CNTNAP2: variants seen among roughly 807,000 people sequenced by gnomAD.
CNTNAP2 encodes the protein contactin associated protein 2.
A neutral mutation model predicts 155.2 loss-of-function variants in CNTNAP2; 98 were observed. That is an observed-to-expected ratio of 0.63 (90% CI 0.54 to 0.75). The LOEUF is 0.75. Ranked by LOEUF, CNTNAP2 falls within the 30% of genes least tolerant of loss-of-function variation. CNTNAP2 has a pLI of 0.00. For synonymous variants in CNTNAP2, 651 were observed against 631.2 expected (o/e 1.03, Z -0.47); for missense variants, 1,727 against 1,688.1 (o/e 1.02, Z -0.40).
intron 1 of CNTNAP2, among the ~76,000 whole-genome samples, chr7:146,624,606 C>T (rs190548147): frequency 6.6e-6 from 1 of 152,044 alleles, no homozygotes; most frequent in African/African-American, 2.4e-5. Flanking sequence ...TATTCCTCTG[C>T]CAATCCCTCA....
intron 15 of CNTNAP2, among the ~76,000 whole-genome samples, chr7:148,105,392 T>C (rs1462620115): frequency 6.6e-6 from 1 of 152,024 alleles, no homozygotes; most frequent in Non-Finnish European, 1.5e-5. Context: ...GTGGGAACAA[T>C]GGTAGCTGCA....
intron 13 of CNTNAP2, among the ~76,000 whole-genome samples, chr7:147,675,585 G>A (rs757607066): frequency 7.2e-5 from 11 of 151,928 alleles, no homozygotes; most frequent in Non-Finnish European, 1.6e-4. Flanking sequence ...TGGATGATTC[G>A]CACATTGGTG....
At chr7:148,252,562 G>C (rs1005706442) in intron 20 of CNTNAP2, among the ~76,000 whole-genome samples, 3 of 152,188 alleles carry the variant, frequency 2.0e-5, no homozygotes, top group African/African-American at 7.2e-5. Context: ...TCACTGAGCA[G>C]TAGCCTCTAT....
At chr7:146,712,139 A>C (rs1237653389) in intron 1 of CNTNAP2, among the ~76,000 whole-genome samples, 1 of 129,340 alleles carries the variant, frequency 7.7e-6, no homozygotes, top group Non-Finnish European at 1.6e-5. Flanking sequence ...TATCTTATGT[A>C]TACTATATAG....
intron 13 of CNTNAP2, among the ~76,000 whole-genome samples, chr7:147,776,173 C>G (rs1797582498): frequency 6.6e-6 from 1 of 151,696 alleles, no homozygotes; most frequent in Non-Finnish European, 1.5e-5. Context: ...TCTCAAAAGG[C>G]TATTACAACA....
chr7:147,051,446 G>T (rs1038963073), intron 4 of CNTNAP2, among the ~76,000 whole-genome samples: 7 of 151,720 alleles, frequency 4.6e-5, no homozygotes, highest in African/African-American at 1.5e-4. Context: ...ATGAATTTTT[G>T]GCAGAATAAA....
chr7:147,961,564 A>G (rs1277265401), intron 14 of CNTNAP2, among the ~76,000 whole-genome samples: 1 of 152,176 alleles, frequency 6.6e-6, no homozygotes, highest in Non-Finnish European at 1.5e-5. Flanking sequence ...AGTTTTCTAC[A>G]GTTTTCCAAT....
intron 3 of CNTNAP2, among the ~76,000 whole-genome samples, chr7:146,895,731 C>T (rs879692270): frequency 6.6e-6 from 1 of 152,040 alleles, no homozygotes; most frequent in Non-Finnish European, 1.5e-5. Context: ...AGGAGTTTCT[C>T]TTTTGAAATG....
At chr7:147,173,899 A>G (rs575534787) in intron 8 of CNTNAP2, among the ~76,000 whole-genome samples, 5 of 152,182 alleles carry the variant, frequency 3.3e-5, no homozygotes, top group Admixed American at 6.5e-5. Context: ...GAGTGAGTAT[A>G]CATGGAGAAA....
At chr7:146,287,456 T>C (rs887070746) in intron 1 of CNTNAP2, among the ~76,000 whole-genome samples, 2 of 152,194 alleles carry the variant, frequency 1.3e-5, no homozygotes, top group Admixed American at 1.3e-4. Flanking sequence ...CTTAGTGTTT[T>C]GAAGACATAT....
At chr7:147,903,435 A>C (rs1209861087) in intron 13 of CNTNAP2, 130 bp from the exon 14 acceptor site, 1 of 993,038 alleles carries the variant, frequency 1.0e-6, no homozygotes. Flanking sequence ...TGTTTGAAAT[A>C]AATTGACTTT....
intron 2 of CNTNAP2, among the ~76,000 whole-genome samples, chr7:146,782,581 A>G (rs574952788): frequency 2.8e-4 from 43 of 152,324 alleles, no homozygotes; most frequent in Middle Eastern, 6.8e-3. Context: ...GAACCAGGAT[A>G]TAATAATGAT....
intron 9 of CNTNAP2, among the ~76,000 whole-genome samples, chr7:147,315,110 A>T (rs1203085977): frequency 1.3e-5 from 1 of 75,146 alleles, no homozygotes; most frequent in Non-Finnish European, 3.3e-5. Flanking sequence ...AGGGTACTTT[A>T]CAAAAAAAAA....
chr7:147,364,515 C>T (rs997021004), intron 9 of CNTNAP2, among the ~76,000 whole-genome samples: 2 of 152,192 alleles, frequency 1.3e-5, no homozygotes, highest in Non-Finnish European at 2.9e-5. Context: ...AAATTCCAGA[C>T]AGTGTTCACT....
intron 1 of CNTNAP2, among the ~76,000 whole-genome samples, chr7:146,688,003 G>T (rs1476792352): frequency 1.3e-5 from 2 of 152,084 alleles, no homozygotes; most frequent in Middle Eastern, 3.2e-3. Flanking sequence ...GAAGGTGTAG[G>T]TGCAGAAACT....
intron 14 of CNTNAP2, among the ~76,000 whole-genome samples, chr7:147,954,703 T>C (rs1446756773): frequency 1.3e-5 from 2 of 152,216 alleles, no homozygotes; most frequent in Admixed American, 6.5e-5. Flanking sequence ...ATTAACTCTC[T>C]TAGAAACAAT....
chr7:146,894,893 T>A (rs187776997), intron 3 of CNTNAP2, among the ~76,000 whole-genome samples: 1 of 152,232 alleles, frequency 6.6e-6, no homozygotes, highest in East Asian at 1.9e-4. Context: ...TCTGAAAAAC[T>A]TTTTGAAAAC....
At chr7:147,172,575 A>G (rs1802254102) in intron 8 of CNTNAP2, among the ~76,000 whole-genome samples, 1 of 152,168 alleles carries the variant, frequency 6.6e-6, no homozygotes, top group African/African-American at 2.4e-5. Context: ...TAATTTCTCA[A>G]TTCATGTTAA....
chr7:147,650,568 T>C (rs1795434537), intron 13 of CNTNAP2, among the ~76,000 whole-genome samples: 1 of 152,208 alleles, frequency 6.6e-6, no homozygotes, highest in Non-Finnish European at 1.5e-5. Flanking sequence ...TCTCTTCCTT[T>C]TAATTTTCTT....
Sources: gnomAD v4.1 joint callset for allele counts (sites outside exome capture counted in the v4.1 genomes callset) on GRCh38, gnomAD v4.1.1 for gene constraint, MANE v1.5 for transcripts, NCBI Gene and HGNC (gene_info 2026-07-23, HGNC 2026-07-21) for gene names.